CPNE4: variants seen among roughly 807,000 people sequenced by gnomAD.
CPNE4 encodes copine 4, also known as copine-4.
CPNE4 carries 25 observed loss-of-function variants against 67.9 expected under a neutral mutation model. The ratio of observed to expected loss-of-function variants is 0.37; its 90% confidence interval spans 0.27 to 0.51. The LOEUF is 0.51. Among genes scored for constraint, CPNE4 ranks in the 20% least tolerant of loss-of-function variants. CPNE4 has a pLI of 0.93. For synonymous variants in CPNE4, 242 were observed against 244.9 expected (o/e 0.99, Z 0.11); for missense variants, 464 against 690.8 (o/e 0.67, Z 3.68).
intron 2 of CPNE4, among the ~76,000 whole-genome samples, chr3:131,730,621 TC>T (rs2082105545): frequency 6.6e-6 from 1 of 152,132 alleles, no homozygotes; most frequent in Admixed American, 6.6e-5. Context: ...ATGACTAATG[TC>T]CTTATAAAAA....
intron 1 of CPNE4, among the ~76,000 whole-genome samples, chr3:131,923,159 C>A (rs1195097062): frequency 6.6e-6 from 1 of 152,122 alleles, no homozygotes; most frequent in East Asian, 1.9e-4. Context: ...ACTTGAAAGT[C>A]AGAGTTTAGT....
intron 2 of CPNE4, among the ~76,000 whole-genome samples, chr3:131,877,302 CA>C (rs1261313269): frequency 3.3e-5 from 5 of 152,046 alleles, no homozygotes; most frequent in African/African-American, 7.2e-5. Context: ...ATTCTGTGTC[CA>C]GGGGGCAACA....
At chr3:131,570,622 C>A (rs1305856921) in intron 10 of CPNE4, among the ~76,000 whole-genome samples, 4 of 152,000 alleles carry the variant, frequency 2.6e-5, no homozygotes, top group Admixed American at 6.6e-5. Context: ...TGTTTCACCT[C>A]CACCCACCTC....
chr3:131,731,760 A>G (rs1298537438), intron 2 of CPNE4, among the ~76,000 whole-genome samples: 1 of 152,106 alleles, frequency 6.6e-6, no homozygotes, highest in Non-Finnish European at 1.5e-5. Context: ...GGAATTTTAA[A>G]TTTAAATTTA....
At chr3:131,947,457 A>G (rs532670467) in intron 1 of CPNE4, among the ~76,000 whole-genome samples, 6 of 151,432 alleles carry the variant, frequency 4.0e-5, no homozygotes, top group Admixed American at 6.6e-5. Context: ...TCATCGTTCA[A>G]CTCTCACTTA....
At chr3:131,591,698 G>A (rs1216325621) in intron 7 of CPNE4, among the ~76,000 whole-genome samples, 3 of 152,120 alleles carry the variant, frequency 2.0e-5, no homozygotes, top group African/African-American at 7.2e-5. Context: ...ATTTTATTTT[G>A]ACCTTTCTGA....
chr3:131,862,654 C>A (rs946824681), intron 2 of CPNE4, among the ~76,000 whole-genome samples: 3 of 151,630 alleles, frequency 2.0e-5, no homozygotes, highest in African/African-American at 7.3e-5. Context: ...CCCGTCCGAC[C>A]AGAAAATCAT....
intron 2 of CPNE4, among the ~76,000 whole-genome samples, chr3:131,869,529 T>G (rs1583370426): frequency 6.6e-6 from 1 of 152,306 alleles, no homozygotes; most frequent in East Asian, 1.9e-4. Flanking sequence ...TAGCTCAGCT[T>G]TTCATAACTT....
chr3:131,775,673 C>A (rs781297782), intron 2 of CPNE4, among the ~76,000 whole-genome samples: 19 of 152,118 alleles, frequency 1.2e-4, no homozygotes, highest in Non-Finnish European at 2.4e-4. Context: ...TCACCTTCTG[C>A]CATGATTGTG....
At chr3:131,738,998 A>T (rs1189722247) in intron 2 of CPNE4, among the ~76,000 whole-genome samples, 4 of 151,876 alleles carry the variant, frequency 2.6e-5, no homozygotes, top group Admixed American at 2.6e-4. Context: ...GGGATTACAG[A>T]TGCCTGCCAC....
chr3:131,859,036 G>A (rs375160399), intron 2 of CPNE4, among the ~76,000 whole-genome samples: 3 of 152,136 alleles, frequency 2.0e-5, no homozygotes, highest in Admixed American at 2.0e-4. Context: ...GTGGAGCTGT[G>A]GGAATGATAT....
intron 5 of CPNE4, among the ~76,000 whole-genome samples, chr3:131,692,841 A>G (rs2081062788): frequency 6.6e-6 from 1 of 152,202 alleles, no homozygotes; most frequent in African/African-American, 2.4e-5. Context: ...AATTAGTTCC[A>G]ATGCACCAAT....
chr3:131,765,077 T>C (rs2082977865), intron 2 of CPNE4, among the ~76,000 whole-genome samples: 1 of 152,136 alleles, frequency 6.6e-6, no homozygotes, highest in African/African-American at 2.4e-5. Context: ...TTCAAGCTTC[T>C]AGCATGAGGG....
At chr3:131,576,506 AC>A (rs761583911) in intron 9 of CPNE4, among the ~76,000 whole-genome samples, 4 of 152,124 alleles carry the variant, frequency 2.6e-5, no homozygotes, top group Non-Finnish European at 5.9e-5. Flanking sequence ...TAGTCACATA[AC>A]TGTTTAGAAT....
intron 1 of CPNE4, among the ~76,000 whole-genome samples, chr3:131,952,823 T>G (rs1317904580): frequency 6.6e-6 from 1 of 152,180 alleles, no homozygotes; most frequent in East Asian, 1.9e-4. Context: ...GGGAAAAGAT[T>G]GAGAAATCGG....
intron 15 of CPNE4, among the ~76,000 whole-genome samples, chr3:131,539,397 C>T (rs1935352782): frequency 6.6e-6 from 1 of 152,210 alleles, no homozygotes; most frequent in African/African-American, 2.4e-5. Context: ...TTTCCCATGG[C>T]TACCTCTCTC....
chr3:131,701,075 C>T (rs1377189979), intron 3 of CPNE4, among the ~76,000 whole-genome samples: 2 of 124,350 alleles, frequency 1.6e-5, no homozygotes, highest in Admixed American at 2.2e-4. Flanking sequence ...AGGGGAACAT[C>T]ACACACTGGG....
intron 2 of CPNE4, among the ~76,000 whole-genome samples, chr3:131,865,033 C>G (rs1232683185): frequency 6.6e-6 from 1 of 152,140 alleles, no homozygotes; most frequent in East Asian, 1.9e-4. Flanking sequence ...GTTGAACCAG[C>G]CTTGCATCCC....
chr3:131,896,274 T>G (rs2088328615), intron 2 of CPNE4, among the ~76,000 whole-genome samples: 1 of 152,074 alleles, frequency 6.6e-6, no homozygotes, highest in Non-Finnish European at 1.5e-5. Flanking sequence ...TTCTTTATTA[T>G]GAAATGATAA....
Sources: gnomAD v4.1 joint callset for allele counts (sites outside exome capture counted in the v4.1 genomes callset) on GRCh38, gnomAD v4.1.1 for gene constraint, MANE v1.5 for transcripts, NCBI Gene and HGNC (gene_info 2026-07-23, HGNC 2026-07-21) for gene names.